The following SLC44A1 variants were observed in gnomAD, a reference collection of about 807,000 sequenced individuals.
The protein encoded by SLC44A1 is choline transporter-like protein 1.
Under a neutral mutation model 79.3 loss-of-function variants are expected in SLC44A1, and 26 were observed. The observed-to-expected ratio is 0.33, with a 90% CI of 0.24 to 0.46. SLC44A1 has a LOEUF of 0.46. SLC44A1 is among the 20% of genes least tolerant of loss of function. The pLI is 1.00. For missense variants in SLC44A1, 688 were observed against 798.1 expected, an observed-to-expected ratio of 0.86 and a Z score of 1.66; for synonymous variants, 263 against 286.2, an observed-to-expected ratio of 0.92 and a Z score of 0.82.
intron 6 of SLC44A1, among the ~76,000 whole-genome samples, 155 bp downstream of exon 6, chr9:105,356,536 A>G (rs1044095450): frequency 6.6e-6 from 1 of 152,202 alleles, no homozygotes; most frequent in African/African-American, 2.4e-5. Flanking sequence ...AGTTAAGAAT[A>G]TGTACATATA....
chr9:105,421,966 T>G (rs1295594885), intron 15 of SLC44A1, among the ~76,000 whole-genome samples: 1 of 152,158 alleles, frequency 6.6e-6, no homozygotes, highest in Non-Finnish European at 1.5e-5. Flanking sequence ...ACTTTTCCAG[T>G]AAGTTCGGAC....
rs547553119 is a variant in SLC44A1, at chr9:105,405,053, C to T, written c.1950+19551C>T. Among the ~76,000 whole-genome samples, 7 of 152,176 alleles carry T rather than the reference C, an allele frequency of 4.6e-5. No individual in the cohort carries two copies. The East Asian group carries it at 1.2e-3, about 25-fold the overall frequency. On this transcript the variant is annotated intron_variant, in intron 15 of 15. Transcript: ENST00000374724. ...AGCTAATGGTGGCTAGGCGCGGTGG[C>T]TCACATCTGTAATCCTAGGACTTTG...
chr9:105,300,483 G>A (rs918468659), intron 2 of SLC44A1, among the ~76,000 whole-genome samples: 2 of 152,128 alleles, frequency 1.3e-5, no homozygotes, highest in African/African-American at 4.8e-5. Context: ...GTGAATCACA[G>A]AACAACTGTC....
chr9:105,292,762 T>C (rs777434783), intron 1 of SLC44A1, among the ~76,000 whole-genome samples: 1 of 152,226 alleles, frequency 6.6e-6, no homozygotes, highest in Non-Finnish European at 1.5e-5. Context: ...GCTATCGTAG[T>C]ACTTGGTTTG....
intron 15 of SLC44A1, among the ~76,000 whole-genome samples, chr9:105,406,147 G>A (rs1429439257): frequency 6.6e-6 from 1 of 151,908 alleles, no homozygotes; most frequent in African/African-American, 2.4e-5. Flanking sequence ...GTGGCTCCAG[G>A]TATTTAAGGA....
At chr9:105,377,258 GA>G (rs1828317849) in intron 13 of SLC44A1, among the ~76,000 whole-genome samples, 1 of 152,062 alleles carries the variant, frequency 6.6e-6, no homozygotes, top group Non-Finnish European at 1.5e-5. Flanking sequence ...TGTAATAAAT[GA>G]AAAAGCTGAG....
At chr9:105,326,263 G>T (rs1826573373) in intron 3 of SLC44A1, among the ~76,000 whole-genome samples, 2 of 152,174 alleles carry the variant, frequency 1.3e-5, no homozygotes, top group Non-Finnish European at 2.9e-5. Context: ...TAGGGATGGG[G>T]TCTGGCTGTG....
rs557738358 is a variant in SLC44A1, at chr9:105,283,362, A to G, written c.37-15858A>G. Among the ~76,000 whole-genome samples the G allele has an allele frequency of 1.8e-4, 28 of 152,312 alleles. No homozygotes were observed. The South Asian group carries it at 5.6e-3, about 30-fold the overall frequency. ...TGCTTGTAGAATTTGAATGGGAAGT[A>G]CTTGGTGTGGTTTAGGTTTTACCAA... On this transcript the variant is annotated intron_variant, in intron 1 of 15. Transcript: ENST00000374720.
chr9:105,396,518 T>G lies in SLC44A1; in HGVS notation c.*7462T>G. The G allele has an allele frequency of 4.1e-6, 4 of 985,388 alleles. No individual in the cohort carries two copies. Among genetic ancestry groups the G allele is most frequent in the Non-Finnish European group, 4.8e-6 (4 of 829,922 alleles). 61.0% of individuals were successfully genotyped at this position (985,388 alleles called of 1,614,324 possible). On this transcript the variant is annotated 3_prime_UTR_variant, in exon 16 of 16. Transcript: ENST00000374720. ...TCCTAGAATAATAAGGCGGCCAAAT[T>G]TAAAGATCAGTCAATACAGTAGGGA...
chr9:105,335,507 G>A lies in SLC44A1; in HGVS notation c.270-56G>A, dbSNP rs79453331. On this transcript the variant is annotated intron_variant, in intron 3 of 15. Coordinates refer to ENST00000374720, the MANE Select transcript of SLC44A1 (RefSeq NM_080546.5). ...TGCTCTAGGCTTAGTCAAATATGCA[G>A]GGACCCACAATGTGTTTTGTGAAGT... 517 of 1,417,620 alleles carry A rather than the reference G, an allele frequency of 3.6e-4. 4 individuals carry two copies. The African/African-American group carries it at 6.5e-3, about 18-fold the overall frequency. The allele number at this position is 1,417,620 out of a possible 1,614,324, so 87.8% of individuals were successfully genotyped here.
At chr9:105,422,702 G>A (rs920936792) in intron 15 of SLC44A1, among the ~76,000 whole-genome samples, 1 of 152,084 alleles carries the variant, frequency 6.6e-6, no homozygotes, top group South Asian at 2.1e-4. Flanking sequence ...ATTGTAAAAT[G>A]GTACCCACTA....
intron 15 of SLC44A1, among the ~76,000 whole-genome samples, chr9:105,407,298 A>G (rs1475481079): frequency 6.6e-6 from 1 of 152,246 alleles, no homozygotes; most frequent in Non-Finnish European, 1.5e-5. Flanking sequence ...CAAAAGTGAT[A>G]AAGACATGAA....
intron 13 of SLC44A1, among the ~76,000 whole-genome samples, chr9:105,380,011 G>A (rs1232331405): frequency 6.6e-6 from 1 of 152,124 alleles, no homozygotes; most frequent in Non-Finnish European, 1.5e-5. Flanking sequence ...TAGAGAAAGA[G>A]CATCATAAAT....
intron 8 of SLC44A1, among the ~76,000 whole-genome samples, chr9:105,362,073 C>CGTGT (rs146638340): frequency 2.3e-4 from 35 of 149,938 alleles, no homozygotes; most frequent in Admixed American, 6.7e-4. Flanking sequence ...CGCGCGCGCG[C>CGTGT]GTGTGTGTGT....
intron 15 of SLC44A1, among the ~76,000 whole-genome samples, chr9:105,424,739 G>A (rs1275461582): frequency 6.6e-6 from 1 of 152,072 alleles, no homozygotes; most frequent in Non-Finnish European, 1.5e-5. Context: ...TTGAGGTCGG[G>A]AGTTCAAGAC....
intron 1 of SLC44A1, among the ~76,000 whole-genome samples, chr9:105,263,593 A>G (rs1405319325): frequency 6.6e-6 from 1 of 150,458 alleles, no homozygotes; most frequent in African/African-American, 2.5e-5. Flanking sequence ...CTGGAGTGCA[A>G]TGGCGCGATC....
chr9:105,389,090 T>C lies in SLC44A1; in HGVS notation c.*34T>C. 6.2e-7 allele frequency: 1 copy of C among 1,612,470 alleles called. No homozygotes were observed. On this transcript the variant is annotated 3_prime_UTR_variant, in exon 16 of 16. Transcript: ENST00000374720. ...GACGGTTATGGAAACCCATTGACATTCCAAAACAATATATACACATAACTA... is the reference window on the plus strand; with the variant it reads ...GACGGTTATGGAAACCCATTGACATCCCAAAACAATATATACACATAACTA...
chr9:105,383,866 G>A (rs554670718), intron 14 of SLC44A1, among the ~76,000 whole-genome samples: 3 of 152,292 alleles, frequency 2.0e-5, no homozygotes, highest in South Asian at 2.1e-4. Flanking sequence ...CTGGTAGAGT[G>A]TATAGTTATT....
chr9:105,421,582 C>CTTT (rs1056443918), intron 15 of SLC44A1, among the ~76,000 whole-genome samples: 15 of 130,158 alleles, frequency 1.2e-4, no homozygotes, highest in East Asian at 2.2e-4. Context: ...TCAGAAATCT[C>CTTT]TTTTTTTTTT....
Sources: gnomAD v4.1 joint callset for allele counts (sites outside exome capture counted in the v4.1 genomes callset) on GRCh38, gnomAD v4.1.1 for gene constraint, MANE v1.5 for transcripts, NCBI Gene and HGNC (gene_info 2026-07-23, HGNC 2026-07-21) for gene names.